Variants in BRSK2 observed in about 807,000 individuals in gnomAD.
The protein encoded by BRSK2 is BR serine/threonine kinase 2.
In BRSK2, 19 loss-of-function variants were observed where a neutral mutation model predicts 83.3. The observed-to-expected ratio is 0.23, with a 90% CI of 0.16 to 0.33. BRSK2 has a LOEUF of 0.33. BRSK2 is among the 10% of genes least tolerant of loss of function. The pLI, the probability that BRSK2 is intolerant of heterozygous loss-of-function variation, is 1.00. For synonymous variants in BRSK2, 519 were observed against 435.4 expected (o/e 1.19, Z -2.39); for missense variants, 798 against 1,042.3 (o/e 0.77, Z 3.23).
intron 1 of BRSK2, among the ~76,000 whole-genome samples, chr11:1,391,318 C>T (rs1490977483): frequency 6.6e-6 from 1 of 152,182 alleles, no homozygotes; most frequent in Non-Finnish European, 1.5e-5. Flanking sequence ...CTCTCCCTTC[C>T]AATCCGAGAA....
chr11:1,390,754 C>T lies in BRSK2; in HGVS notation c.91+379C>T, dbSNP rs948758971. On this transcript the variant is annotated intron_variant, in intron 1 of 19. Transcript: ENST00000528841. The surrounding 1 kb of genome is among the most constrained non-coding windows in gnomAD (Gnocchi z 6.8). The stretch of plus-strand genomic sequence containing the variant: ...GGGGGCCGCGCGGGCGCCCATCTGC[C>T]GTCTGCCGCGGCCGCGCTAATAGGC... 9.9e-5 allele frequency among the ~76,000 whole-genome samples: 15 copies of T among 151,792 alleles called. No homozygotes were observed. Among genetic ancestry groups the T allele is most frequent in the Middle Eastern group, 3.4e-3 (1 of 290 alleles).
chr11:1,443,232 T>G, intron 6 of BRSK2, 93 bp downstream of exon 6: 4 of 1,516,704 alleles, frequency 2.6e-6, no homozygotes, highest in Non-Finnish European at 3.5e-6. Flanking sequence ...CCCCAGGTGC[T>G]GCTAGGCTGC....
intron 3 of BRSK2, among the ~76,000 whole-genome samples, chr11:1,439,188 T>C (rs933541126): frequency 1.7e-4 from 26 of 152,142 alleles, no homozygotes; most frequent in Admixed American, 1.5e-3. Context: ...GGCTGGGGGC[T>C]GCCCTCAGGG....
intron 1 of BRSK2, chr11:1,409,490 C>T (rs974785410): frequency 6.6e-6 from 1 of 152,240 alleles, no homozygotes; most frequent in African/African-American, 2.4e-5. Flanking sequence ...CTCCCCTGCT[C>T]AGGGTGTGCC....
intron 18 of BRSK2, chr11:1,456,956 A>AC (rs751872197): frequency 3.3e-5 from 53 of 1,594,468 alleles, no homozygotes; most frequent in East Asian, 4.5e-5. Context: ...CCACCGTAGA[A>AC]CCCCCCCCAC....
intron 1 of BRSK2, chr11:1,410,974 C>T: frequency 1.0e-6 from 1 of 985,856 alleles, no homozygotes; most frequent in Non-Finnish European, 1.2e-6. Context: ...GCCCAGGGCC[C>T]CGCTGAGGGG....
intron 1 of BRSK2, among the ~76,000 whole-genome samples, chr11:1,416,469 T>C (rs946467639): frequency 8.5e-5 from 13 of 152,234 alleles, no homozygotes; most frequent in Non-Finnish European, 1.0e-4. Flanking sequence ...GGCTGTGGCC[T>C]GGGCTCACCT....
rs34875491 is a variant in BRSK2, at chr11:1,460,732, GCCC to G, written c.*18_*20del. The G allele has an allele frequency of 1.4e-5, 18 of 1,311,024 alleles. No homozygotes were observed. Among genetic ancestry groups the G allele is most frequent in the Non-Finnish European group, 1.6e-5 (16 of 1,013,526 alleles). The allele number at this position is 1,311,024 out of a possible 1,614,324, so 81.2% of individuals were successfully genotyped here. A position where few individuals can be genotyped will look rare whatever the true frequency, so the allele number is the denominator to read the frequency against. Reference sequence around the variant, plus strand: ...GCCGCGAGCAGCCTTAGACACACTAGCCCCCCCCCCCAGCACAGCACTGACAGC... The same window carrying G: ...GCCGCGAGCAGCCTTAGACACACTAGCCCCCCCCAGCACAGCACTGACAGC... On this transcript the variant is annotated 3_prime_UTR_variant, in exon 20 of 20. Transcript: ENST00000528841.
At chr11:1,397,965 C>T (rs372483745) in intron 1 of BRSK2, among the ~76,000 whole-genome samples, 21 of 152,340 alleles carry the variant, frequency 1.4e-4, no homozygotes, top group African/African-American at 5.1e-4. Context: ...CCCTGGAGGG[C>T]AGGCTGGCCT....
At chr11:1,428,766 G>A (rs1849538787) in intron 1 of BRSK2, among the ~76,000 whole-genome samples, 1 of 152,100 alleles carries the variant, frequency 6.6e-6, no homozygotes, top group South Asian at 2.1e-4. Context: ...ATGTGCACGA[G>A]TGTGTGTGCA....
intron 5 of BRSK2, 122 bp downstream of exon 5, chr11:1,442,728 C>A (rs368879010): frequency 1.0e-5 from 8 of 783,126 alleles, no homozygotes; most frequent in Admixed American, 4.3e-5. Flanking sequence ...GCAGGCCCCC[C>A]ACAATGTGCC....
intron 12 of BRSK2, among the ~76,000 whole-genome samples, chr11:1,448,577 C>T (rs947981106): frequency 1.4e-4 from 21 of 152,152 alleles, no homozygotes; most frequent in African/African-American, 4.6e-4. Context: ...CTGTCTTCCT[C>T]GTGCCCAGTC....
intron 1 of BRSK2, among the ~76,000 whole-genome samples, chr11:1,422,950 C>A (rs948757083): frequency 5.9e-5 from 9 of 152,188 alleles, no homozygotes; most frequent in Non-Finnish European, 1.3e-4. Context: ...GTCTCTCAGA[C>A]CTGGGTTTCT....
In BRSK2 at chr11:1,410,583, G is replaced by A. The variant is rs551441099; in HGVS notation, c.91+20208G>A. ...GATGTCGTCAGGCTCTCTGGTCCCC[G>A]GGAGTGGACTCGGGGGCTCCGAGTG... On this transcript the variant is annotated intron_variant, in intron 1 of 19. Transcript: ENST00000528841. 4.0e-5 allele frequency: 39 copies of A among 985,436 alleles called. No homozygotes were observed. In the South Asian group the frequency reaches 1.1e-3, roughly 27 times the overall value. 61.0% of individuals were successfully genotyped at this position (985,436 alleles called of 1,614,324 possible). A position where few individuals can be genotyped will look rare whatever the true frequency, so the allele number is the denominator to read the frequency against.
chr11:1,447,973 T>C (rs1476705485), intron 12 of BRSK2: 3 of 1,110,070 alleles, frequency 2.7e-6, no homozygotes, highest in Non-Finnish European at 3.9e-6. Flanking sequence ...GCTGCAGGGC[T>C]CCTGCTGCGG....
intron 1 of BRSK2, among the ~76,000 whole-genome samples, chr11:1,392,772 A>C (rs1845807463): frequency 6.6e-6 from 1 of 152,294 alleles, no homozygotes; most frequent in East Asian, 1.9e-4. Flanking sequence ...TGAGCGCTGC[A>C]TGGTCTCACC....
chr11:1,416,690 G>A (rs1309705809), intron 1 of BRSK2, among the ~76,000 whole-genome samples: 1 of 152,182 alleles, frequency 6.6e-6, no homozygotes, highest in Non-Finnish European at 1.5e-5. Context: ...TATGATGTGT[G>A]TCTCTGGCTG....
chr11:1,449,583 C>T (rs572757034), intron 12 of BRSK2, among the ~76,000 whole-genome samples, 193 bp from the exon 13 acceptor site: 12 of 152,282 alleles, frequency 7.9e-5, no homozygotes, highest in Admixed American at 7.8e-4. Flanking sequence ...ATGGGGGCCC[C>T]AGTGGGGCTG....
chr11:1,414,163 T>C (rs1847852183), intron 1 of BRSK2, among the ~76,000 whole-genome samples: 1 of 152,272 alleles, frequency 6.6e-6, no homozygotes, highest in Non-Finnish European at 1.5e-5. Context: ...CTAGGATTTG[T>C]GCTGGTCAAA....
Sources: allele counts gnomAD v4.1 joint callset (sites outside exome capture counted in the v4.1 genomes callset), GRCh38; gene constraint gnomAD v4.1.1; non-coding constraint Gnocchi (gnomAD v3.1); transcripts MANE v1.5; gene names NCBI Gene and HGNC (gene_info 2026-07-23, HGNC 2026-07-21).